Variants in ADGRG4 observed in about 807,000 individuals in gnomAD.
The protein encoded by ADGRG4 is adhesion G protein-coupled receptor G4, also known as G protein-coupled receptor 112.
Under a neutral mutation model 126.2 loss-of-function variants are expected in ADGRG4, and 122 were observed. The ratio of observed to expected loss-of-function variants is 0.97; its 90% CI spans 0.83 to 1.12. The LOEUF (loss-of-function observed/expected upper bound fraction) is 1.12, where lower values mean the gene tolerates loss of function less well. Among genes scored for constraint, ADGRG4 ranks in the 50% most tolerant of loss-of-function variants. The probability of loss-of-function intolerance (pLI) is 0.00; values close to 1 mark genes in which losing one functional copy is unlikely to be tolerated. For synonymous variants in ADGRG4, 943 were observed against 838.7 expected, an observed-to-expected ratio of 1.12 and a Z score of -2.15; for missense variants, 2,481 against 2,251.8, an observed-to-expected ratio of 1.10 and a Z score of -2.06.
At chrX:136,301,814 C>T (rs1050995495) in intron 1 of ADGRG4, among the ~76,000 whole-genome samples, 1 of 111,680 alleles carries the variant, frequency 9.0e-6, no homozygotes, top group Non-Finnish European at 1.9e-5. Flanking sequence ...AGCCAGTTTT[C>T]CCAGCACCGT....
intron 4 of ADGRG4, among the ~76,000 whole-genome samples, chrX:136,321,787 A>T (rs1603291773): frequency 1.8e-5 from 2 of 112,062 alleles, no homozygotes; most frequent in East Asian, 5.6e-4. Context: ...TTACCAAAAG[A>T]CCGCACCCAA....
At chrX:136,358,196 G>A (rs2075106395) in intron 10 of ADGRG4, among the ~76,000 whole-genome samples, 1 of 110,881 alleles carries the variant, frequency 9.0e-6, no homozygotes, top group African/African-American at 3.3e-5. Context: ...GTCAAAAAAG[G>A]CCCATGAAGA....
intron 18 of ADGRG4, 137 bp from the exon 19 acceptor site, chrX:136,395,253 T>A: frequency 2.5e-6 from 1 of 399,204 alleles, no homozygotes; most frequent in Non-Finnish European, 4.3e-6. Flanking sequence ...AATTTCAGTG[T>A]TCAATTATAC....
At chrX:136,326,829 A>C (rs2074876406) in intron 5 of ADGRG4, among the ~76,000 whole-genome samples, 1 of 111,342 alleles carries the variant, frequency 9.0e-6, no homozygotes, top group African/African-American at 3.3e-5. Context: ...TTAAAAAATA[A>C]ATTTTAATGA....
intron 15 of ADGRG4, among the ~76,000 whole-genome samples, chrX:136,375,655 CAT>C (rs1443704121): frequency 3.6e-5 from 4 of 111,725 alleles, no homozygotes; most frequent in Non-Finnish European, 7.5e-5. Context: ...AGCATTTTTT[CAT>C]ATGTTTGTTG....
In ADGRG4 at chrX:136,377,167, C is replaced by CTTTTTTTTTTTTTTTTTTT. The variant is rs1184343263; in HGVS notation, c.7776+4109_7776+4127dup. Among the ~76,000 whole-genome samples, 378 of 48,607 alleles carry CTTTTTTTTTTTTTTTTTTT rather than the reference C, an allele frequency of 7.8e-3. 3 individuals carry two copies. The highest frequency in any genetic ancestry group is 0.05 in the Middle Eastern group (2 of 40). The allele number at this position is 48,607 out of a possible 115,157, so 42.2% of individuals were successfully genotyped here. A position where few individuals can be genotyped will look rare whatever the true frequency, so the allele number is the denominator to read the frequency against. The stretch of plus-strand genomic sequence containing the variant: ...GTTTTTCACTTTCTTGTTTTCTTTC[C>CTTTTTTTTTTTTTTTTTTT]TTTTTTTTTTTTTTTTTTTTTTTTG... On this transcript the variant is annotated intron_variant, in intron 15 of 25. Transcript: ENST00000394143.
intron 5 of ADGRG4, among the ~76,000 whole-genome samples, chrX:136,342,921 T>TGTGAGAGAGA (rs1251871214): frequency 1.1e-4 from 9 of 84,311 alleles, no homozygotes; most frequent in South Asian, 1.3e-3. Flanking sequence ...TGTGTGTGTG[T>TGTGAGAGAGA]GAGAGAGAGA....
chrX:136,371,423 T>G lies in ADGRG4; in HGVS notation c.7492T>G (p.Ser2498Ala). ...GACAAAGATTATTGTTTCTAAAATA[T>G]CAGATATTTCACAATGTGATGAGAT... is the stretch of plus-strand genomic sequence containing the variant. ...EETKIIVSKISDISQCDEISM... is the reference protein window; with the variant it reads ...EETKIIVSKIADISQCDEISM... Residue 2498 changes from serine to alanine, a missense_variant, in exon 14 of 26, where the codon TCA (serine) becomes GCA (alanine). Ser to Ala is a moderately conservative substitution (Grantham distance 99). Coordinates refer to ENST00000394143, the MANE Select transcript of ADGRG4 (RefSeq NM_153834.4). 1 of 1,180,021 alleles carries G rather than the reference T, an allele frequency of 8.5e-7. No individual in the cohort carries two copies. Among genetic ancestry groups the G allele is most frequent in the Non-Finnish European group, 1.2e-6 (1 of 868,703 alleles).
rs1382901775 is a variant in ADGRG4 at position 136,346,791 on chromosome X, ACTGAGGTTACCATGT to A, written c.3091_3105del (p.Val1031_Glu1035del). 7.4e-6 allele frequency: 9 copies of A among 1,209,325 alleles called. No homozygotes were observed. Among genetic ancestry groups the A allele is most frequent in the Non-Finnish European group, 1.0e-5 (9 of 894,735 alleles). On this transcript the variant is annotated inframe_deletion, in exon 6 of 26. Transcript: ENST00000394143. ...TGGCAGTTCTGTGGTGGCTGAGGAG[ACTGAGGTTACCATGT>A]CTGAGCCTTCTACACTGGCCAGGGC... is the stretch of plus-strand genomic sequence containing the variant.
rs770526363 is a variant in ADGRG4 at position 136,332,217 on chromosome X, C to T, written c.685+8825C>T. On this transcript the variant is annotated intron_variant, in intron 5 of 25. Transcript: ENST00000394143. ...TCCCCTTCCTGTGTCCATGTGATCT[C>T]ATTGTTCAGTTCCCACCTATGAGTG... Among the ~76,000 whole-genome samples the T allele has an allele frequency of 4.3e-3, 446 of 102,722 alleles. 4 individuals are homozygous for T. Among genetic ancestry groups the T allele is most frequent in the African/African-American group, 0.015 (427 of 28,064 alleles). 89.2% of individuals were successfully genotyped at this position (102,722 alleles called of 115,157 possible). A position where few individuals can be genotyped will look rare whatever the true frequency, so the allele number is the denominator to read the frequency against.
At chrX:136,399,704 G>T in intron 20 of ADGRG4, 144 bp from the exon 21 acceptor site, 1 of 482,973 alleles carries the variant, frequency 2.1e-6, no homozygotes. Context: ...ACTTTACCTG[G>T]AAAGAGAATG....
chrX:136,323,046 C>T lies in ADGRG4; in HGVS notation c.339C>T (p.His113=). The change falls in exon 5 of 26, where the codon CAC becomes CAT. Residue 113 remains histidine (H), a synonymous_variant. Coordinates refer to ENST00000394143, the MANE Select transcript of ADGRG4 (RefSeq NM_153834.4). ...RLGKTFSIRH[H]LASFQWHTIC... is the part of the protein sequence containing the mutation. ...GAAAGACCTTTTCTATCCGTCACCA[C>T]CTGGCTTCATTTCAATGGCATACAA... 1 of 1,211,508 alleles carries T rather than the reference C, an allele frequency of 8.3e-7. No individual in the cohort carries two copies. The highest frequency in any genetic ancestry group is 1.1e-6 in the Non-Finnish European group (1 of 895,286).
intron 3 of ADGRG4, among the ~76,000 whole-genome samples, chrX:136,308,172 C>T (rs1277811168): frequency 4.4e-5 from 5 of 112,879 alleles, no homozygotes; most frequent in Non-Finnish European, 9.4e-5. Flanking sequence ...GGCGCAATCT[C>T]GGCTCACTGC....
At chrX:136,356,901 G>A (rs188854512) in intron 9 of ADGRG4, among the ~76,000 whole-genome samples, 1 of 111,653 alleles carries the variant, frequency 9.0e-6, no homozygotes, top group East Asian at 2.8e-4. Flanking sequence ...TACTGAGGAG[G>A]CTGAGGCGGG....
At chrX:136,350,858 C>T (rs2075058227) in intron 6 of ADGRG4, among the ~76,000 whole-genome samples, 2 of 111,191 alleles carry the variant, frequency 1.8e-5, no homozygotes, top group Admixed American at 1.9e-4. Context: ...TCTTATCTTG[C>T]CTTTTGGATT....
chrX:136,357,639 C>T lies in ADGRG4; in HGVS notation c.6928-65C>T, dbSNP rs757033756. The stretch of plus-strand genomic sequence containing the variant: ...TTATATAATTGTTGTTAACAATAAG[C>T]CCTGTACTCAGTTATGACATTTGTT... On this transcript the variant is annotated intron_variant, in intron 9 of 25. Coordinates refer to ENST00000394143, the MANE Select transcript of ADGRG4 (RefSeq NM_153834.4). 6 of 756,610 alleles carry T rather than the reference C, an allele frequency of 7.9e-6. No homozygotes were observed. The South Asian group carries it at 1.2e-4, about 15-fold the overall frequency. 62.4% of individuals were successfully genotyped at this position (756,610 alleles called of 1,213,427 possible). A position where few individuals can be genotyped will look rare whatever the true frequency, so the allele number is the denominator to read the frequency against.
chrX:136,312,626 C>CTAAAA lies in ADGRG4; in HGVS notation c.70+3804_70+3808dup, dbSNP rs753116826. Among the ~76,000 whole-genome samples, 382 of 110,493 alleles carry CTAAAA rather than the reference C, an allele frequency of 3.5e-3. 3 individuals are homozygous for CTAAAA. The highest frequency in any genetic ancestry group is 9.5e-3 in the African/African-American group (289 of 30,363). ...GGGCAACCGGAGTGAAACCCTGTCCCTAAAATAAAATAAAATAAAATAAAA... is the reference window on the plus strand; with the variant it reads ...GGGCAACCGGAGTGAAACCCTGTCCCTAAAATAAAATAAAATAAAATAAAATAAAA... On this transcript the variant is annotated intron_variant, in intron 4 of 25. Coordinates refer to ENST00000394143, the MANE Select transcript of ADGRG4 (RefSeq NM_153834.4).
At chrX:136,301,983 A>G (rs1739921156) in intron 1 of ADGRG4, among the ~76,000 whole-genome samples, 1 of 112,089 alleles carries the variant, frequency 8.9e-6, no homozygotes, top group South Asian at 3.7e-4. Context: ...TAGTTACTGT[A>G]TCCTTGTAGT....
At chrX:136,409,706 C>T (rs2075436042) in intron 23 of ADGRG4, among the ~76,000 whole-genome samples, 2 of 112,106 alleles carry the variant, frequency 1.8e-5, no homozygotes, top group African/African-American at 3.2e-5. Flanking sequence ...ACCTGGAATC[C>T]GAGTCTCAGG....
Sources: gnomAD v4.1 joint callset for allele counts (sites outside exome capture counted in the v4.1 genomes callset) on GRCh38, gnomAD v4.1.1 for gene constraint, MANE v1.5 for transcripts, NCBI Gene and HGNC (gene_info 2026-07-23, HGNC 2026-07-21) for gene names.